The following SNX13 variants were observed in gnomAD, a reference collection of about 807,000 sequenced individuals.
SNX13 encodes the protein sorting nexin-13.
In SNX13, 45 loss-of-function variants were observed where a neutral mutation model predicts 133.6. That is an observed-to-expected ratio of 0.34 (90% CI 0.27 to 0.43). The LOEUF (loss-of-function observed/expected upper bound fraction) is 0.43, where lower values mean the gene tolerates loss of function less well. SNX13 is among the 20% of genes least tolerant of loss of function. The pLI is 1.00. For synonymous variants in SNX13, 414 were observed against 373.9 expected, an observed-to-expected ratio of 1.11 and a Z score of -1.24; for missense variants, 1,032 against 1,145.1, an observed-to-expected ratio of 0.90 and a Z score of 1.43.
Position 17,841,706 on chromosome 7 carries a change from G to A in SNX13, c.1166-1706C>T, listed in dbSNP as rs78706087. Among the ~76,000 whole-genome samples, 1,151 of 151,798 alleles carry A rather than the reference G, an allele frequency of 7.6e-3. 15 individuals are homozygous for A. The highest frequency in any genetic ancestry group is 0.026 in the African/African-American group (1,084 of 41,434). ...AGACCTGATGGAATATCTACTAGAT[G>A]AAGACTTTAAAACAACTACCTTAAA... On this transcript the variant is annotated intron_variant, in intron 12 of 25. Transcript: ENST00000428135.
chr7:17,865,739 T>C (rs1486522066), intron 9 of SNX13, among the ~76,000 whole-genome samples: 1 of 152,188 alleles, frequency 6.6e-6, no homozygotes. Flanking sequence ...CTTCAAATTA[T>C]ACTACAGAGC....
At chr7:17,890,227 G>A in intron 5 of SNX13, 136 bp downstream of exon 5, 1 of 725,098 alleles carries the variant, frequency 1.4e-6, no homozygotes, top group Non-Finnish European at 2.0e-6. Context: ...GTAAAATCTT[G>A]GAGTTATCCC....
chr7:17,835,486 A>G (rs990612658), intron 13 of SNX13, among the ~76,000 whole-genome samples: 1 of 151,990 alleles, frequency 6.6e-6, no homozygotes, highest in African/African-American at 2.4e-5. Flanking sequence ...ATTTCAAAGT[A>G]TATAACACAA....
At chr7:17,883,953 AT>A (rs1232480135) in intron 5 of SNX13, among the ~76,000 whole-genome samples, 2 of 152,066 alleles carry the variant, frequency 1.3e-5, no homozygotes, top group African/African-American at 4.8e-5. Flanking sequence ...ATTTATTTGC[AT>A]TTTGTCCGTA....
chr7:17,930,711 G>T lies in SNX13; in HGVS notation c.12+9573C>A, dbSNP rs984466267. 8.6e-5 allele frequency among the ~76,000 whole-genome samples: 13 copies of T among 152,014 alleles called. No homozygotes were observed. In the East Asian group the frequency reaches 1.4e-3, roughly 16 times the overall value. On this transcript the variant is annotated intron_variant, in intron 1 of 25. Transcript: ENST00000428135. ...GTGGTGTTCTGCCCTTCAACCCCTG[G>T]GCCACAGAGCATTACAGGTCCATGG...
intron 12 of SNX13, among the ~76,000 whole-genome samples, chr7:17,843,281 C>T (rs1204539538): frequency 1.3e-5 from 2 of 151,958 alleles, no homozygotes; most frequent in African/African-American, 4.8e-5. Context: ...GCAGGGGAGG[C>T]TACACTAGTA....
chr7:17,885,283 C>T (rs1312501664), intron 5 of SNX13, among the ~76,000 whole-genome samples: 2 of 112,596 alleles, frequency 1.8e-5, no homozygotes, highest in Non-Finnish European at 3.5e-5. Context: ...TCAGAATAGG[C>T]AAATCCATAG....
chr7:17,796,338 C>T (rs1376750620), intron 25 of SNX13: 1 of 152,662 alleles, frequency 6.6e-6, no homozygotes, highest in African/African-American at 2.4e-5. Context: ...TCAGTTCTTT[C>T]TATGTAAATG....
intron 1 of SNX13, among the ~76,000 whole-genome samples, chr7:17,903,521 C>T (rs781764013): frequency 6.6e-6 from 1 of 152,124 alleles, no homozygotes; most frequent in Non-Finnish European, 1.5e-5. Flanking sequence ...GTTGTGTAAC[C>T]ACTACATGCC....
chr7:17,920,727 T>C (rs1244389155), intron 1 of SNX13, among the ~76,000 whole-genome samples: 1 of 152,196 alleles, frequency 6.6e-6, no homozygotes, highest in Non-Finnish European at 1.5e-5. Context: ...TCACTTTGAT[T>C]CTCTATGCAT....
chr7:17,881,550 G>C (rs1795347233), intron 5 of SNX13: 2 of 152,038 alleles, frequency 1.3e-5, no homozygotes, highest in African/African-American at 4.8e-5. Context: ...AAGTAACTTT[G>C]AGTAGATTTT....
chr7:17,925,900 G>C (rs865964033), intron 1 of SNX13, among the ~76,000 whole-genome samples: 21 of 152,200 alleles, frequency 1.4e-4, no homozygotes, highest in African/African-American at 4.6e-4. Flanking sequence ...TTAGAACCTG[G>C]TTCTAACTGG....
At chr7:17,830,867 G>A in intron 15 of SNX13, 1 of 984,026 alleles carries the variant, frequency 1.0e-6, no homozygotes, top group Non-Finnish European at 1.2e-6. Flanking sequence ...TCTCTAAATG[G>A]GTCTTCAAAA....
intron 5 of SNX13, among the ~76,000 whole-genome samples, chr7:17,885,257 C>T (rs1795851847): frequency 7.2e-6 from 1 of 139,292 alleles, no homozygotes; most frequent in Admixed American, 7.4e-5. Flanking sequence ...TATATTATTT[C>T]ATTCATATAA....
intron 2 of SNX13, 96 bp downstream of exon 2, chr7:17,897,238 T>C: frequency 1.7e-6 from 1 of 590,624 alleles, no homozygotes. Flanking sequence ...AAAAATGGCA[T>C]TCACAAATAA....
At chr7:17,878,028 G>A (rs1794924373) in intron 5 of SNX13, among the ~76,000 whole-genome samples, 1 of 151,998 alleles carries the variant, frequency 6.6e-6, no homozygotes, top group African/African-American at 2.4e-5. Context: ...TGACAGTGAA[G>A]TACTTTCTAA....
chr7:17,833,845 A>G (rs1344617041), intron 15 of SNX13, among the ~76,000 whole-genome samples: 2 of 151,736 alleles, frequency 1.3e-5, no homozygotes, highest in Non-Finnish European at 3.0e-5. Context: ...CAAGGCTTCT[A>G]TAGTTACATT....
chr7:17,927,876 C>T (rs1168935298), intron 1 of SNX13, among the ~76,000 whole-genome samples: 2 of 152,172 alleles, frequency 1.3e-5, no homozygotes, highest in East Asian at 1.9e-4. Context: ...AAGATTTCCA[C>T]TCACAAAGTG....
chr7:17,807,941 C>T (rs535626889), intron 20 of SNX13, among the ~76,000 whole-genome samples: 2 of 152,254 alleles, frequency 1.3e-5, no homozygotes, highest in South Asian at 4.1e-4. Context: ...CACACAGAAA[C>T]CCATCTGAAG....
Sources: gnomAD v4.1 joint callset for allele counts (sites outside exome capture counted in the v4.1 genomes callset) on GRCh38, gnomAD v4.1.1 for gene constraint, MANE v1.5 for transcripts, NCBI Gene and HGNC (gene_info 2026-07-23, HGNC 2026-07-21) for gene names.